CNTNAP5: variants seen among roughly 807,000 people sequenced by gnomAD.
The protein encoded by CNTNAP5 is contactin-associated protein-like 5.
Under a neutral mutation model 150.2 loss-of-function variants are expected in CNTNAP5, and 72 were observed. The ratio of observed to expected loss-of-function variants is 0.48; its 90% CI spans 0.40 to 0.58. The LOEUF (loss-of-function observed/expected upper bound fraction) is 0.58. Ranked by LOEUF, CNTNAP5 falls within the 20% of genes least tolerant of loss-of-function variation. CNTNAP5 has a pLI of 0.00. For synonymous variants in CNTNAP5, 672 were observed against 619.8 expected (o/e 1.08, Z -1.25); for missense variants, 1,636 against 1,626.2 (o/e 1.01, Z -0.10).
chr2:124,437,520 A>G lies in CNTNAP5; in HGVS notation c.733+2833A>G, dbSNP rs1037035703. ...CTATTAATTTTAGATTATAAAATAT[A>G]TATCAGTTTTAGAAAACCGGAAAAT... On this transcript the variant is annotated intron_variant, in intron 5 of 23. Transcript: ENST00000682447. 3.3e-5 allele frequency among the ~76,000 whole-genome samples: 5 copies of G among 152,224 alleles called. 1 individual carries two copies. Among genetic ancestry groups the G allele is most frequent in the Middle Eastern group, 6.3e-3 (2 of 316 alleles).
At chr2:124,262,800 TC>T in intron 3 of CNTNAP5, among the ~76,000 whole-genome samples, 2 of 95,888 alleles carry the variant, frequency 2.1e-5, no homozygotes, top group African/African-American at 4.0e-5. Context: ...CCCTCTCCCC[TC>T]CCCCCACCCC....
At chr2:124,125,752 A>C (rs1462963204) in intron 1 of CNTNAP5, among the ~76,000 whole-genome samples, 3 of 152,172 alleles carry the variant, frequency 2.0e-5, no homozygotes, top group African/African-American at 7.2e-5. Flanking sequence ...ACTCAGGATT[A>C]AGAAACTCAC....
chr2:124,846,284 A>T (rs544873079), intron 19 of CNTNAP5, among the ~76,000 whole-genome samples: 20 of 152,020 alleles, frequency 1.3e-4, no homozygotes, highest in Middle Eastern at 3.4e-3. Context: ...TTTAAAAAAA[A>T]TTTTTTTGTC....
At chr2:124,573,239 C>A (rs953723698) in intron 11 of CNTNAP5, among the ~76,000 whole-genome samples, 1 of 152,172 alleles carries the variant, frequency 6.6e-6, no homozygotes, top group African/African-American at 2.4e-5. Flanking sequence ...GGAAGGAATG[C>A]AGGGTGTATA....
At chr2:124,850,136 A>T (rs1683125370) in intron 19 of CNTNAP5, among the ~76,000 whole-genome samples, 1 of 152,246 alleles carries the variant, frequency 6.6e-6, no homozygotes, top group Non-Finnish European at 1.5e-5. Flanking sequence ...TTCCTAGAAC[A>T]AAATGGGCAA....
rs774515049 is a variant in CNTNAP5 at position 124,527,448 on chromosome 2, C to G, written c.1641C>G (p.Ile547Met). The change falls in exon 10 of 24, where the codon ATC becomes ATG. Residue 547 changes from isoleucine (I) to methionine (M), a missense_variant. Physicochemically the swap from Ile to Met is conservative, Grantham distance 10. Coordinates refer to ENST00000682447, the MANE Select transcript of CNTNAP5 (RefSeq NM_001367498.1). Reference sequence around the variant, plus strand: ...ATTTACACATTGATCTGTGTAGCATCAAAGACAGGTAATTATTGTCTCTTC... The same window carrying G: ...ATTTACACATTGATCTGTGTAGCATGAAAGACAGGTAATTATTGTCTCTTC... ...FSDLHIDLCS[I>M]KDRCLPNYCE... 1.9e-6 allele frequency: 3 copies of G among 1,611,018 alleles called. No individual in the cohort carries two copies. Among genetic ancestry groups the G allele is most frequent in the Non-Finnish European group, 2.5e-6 (3 of 1,178,174 alleles).
chr2:124,698,118 G>A (rs1018273575), intron 13 of CNTNAP5, among the ~76,000 whole-genome samples: 6 of 152,036 alleles, frequency 3.9e-5, no homozygotes, highest in African/African-American at 1.2e-4. Context: ...TTATAAAAAG[G>A]GGTATGATCT....
chr2:124,359,395 T>C (rs1431021981), intron 3 of CNTNAP5, among the ~76,000 whole-genome samples: 1 of 152,004 alleles, frequency 6.6e-6, no homozygotes, highest in African/African-American at 2.4e-5. Flanking sequence ...AATTGTGATG[T>C]TAGGGTGTCA....
At chr2:124,577,712 C>T (rs763710285) in intron 11 of CNTNAP5, among the ~76,000 whole-genome samples, 1 of 151,980 alleles carries the variant, frequency 6.6e-6, no homozygotes, top group Non-Finnish European at 1.5e-5. Flanking sequence ...AGGCACCAAA[C>T]AAGGAGAAGG....
At chr2:124,353,389 G>GT (rs147695088) in intron 3 of CNTNAP5, among the ~76,000 whole-genome samples, 6,668 of 144,470 alleles carry the variant, frequency 0.046, 215 homozygotes, top group Non-Finnish European at 0.071. Flanking sequence ...TTTTTTCTTT[G>GT]TTTTTTTTTC....
intron 3 of CNTNAP5, among the ~76,000 whole-genome samples, chr2:124,348,625 C>A (rs1039304597): frequency 1.3e-5 from 2 of 152,086 alleles, no homozygotes; most frequent in Non-Finnish European, 2.9e-5. Context: ...CCTAAATAGA[C>A]TACCAAAATA....
intron 3 of CNTNAP5, among the ~76,000 whole-genome samples, chr2:124,327,450 A>G (rs1460318089): frequency 1.3e-5 from 2 of 152,138 alleles, no homozygotes; most frequent in African/African-American, 2.4e-5. Context: ...TCAGGCCATG[A>G]TGGAAGTGGG....
intron 19 of CNTNAP5, among the ~76,000 whole-genome samples, chr2:124,820,151 A>T (rs565553285): frequency 6.6e-6 from 1 of 152,130 alleles, no homozygotes; most frequent in Non-Finnish European, 1.5e-5. Context: ...TCAAGCTGTT[A>T]TCTATTGTAA....
chr2:124,605,809 C>CAAAAAAAAAAAA (rs36090348), intron 11 of CNTNAP5, among the ~76,000 whole-genome samples: 3 of 34,424 alleles, frequency 8.7e-5, no homozygotes, highest in African/African-American at 2.7e-4. Context: ...AAGACTCTGT[C>CAAAAAAAAAAAA]AAAAAAAAAA....
chr2:124,125,574 C>G (rs1431957625), intron 1 of CNTNAP5, among the ~76,000 whole-genome samples: 1 of 152,176 alleles, frequency 6.6e-6, no homozygotes, highest in African/African-American at 2.4e-5. Context: ...TAATAGACAT[C>G]TACAGAACTC....
intron 22 of CNTNAP5, among the ~76,000 whole-genome samples, chr2:124,905,127 T>TC (rs1553454292): frequency 2.0e-5 from 1 of 50,384 alleles, no homozygotes; most frequent in Non-Finnish European, 4.8e-5. Flanking sequence ...TTTTTTTTTG[T>TC]TTTTTTTTTT....
intron 3 of CNTNAP5, among the ~76,000 whole-genome samples, chr2:124,277,980 C>T: frequency 6.6e-6 from 1 of 152,130 alleles, no homozygotes; most frequent in East Asian, 1.9e-4. Context: ...AGGAAACAGC[C>T]ACGTCATTGT....
chr2:124,634,258 A>C (rs924103056), intron 12 of CNTNAP5, among the ~76,000 whole-genome samples: 20 of 152,116 alleles, frequency 1.3e-4, no homozygotes, highest in African/African-American at 4.6e-4. Context: ...TTCTTTGCTC[A>C]TGAATATGAG....
intron 21 of CNTNAP5, among the ~76,000 whole-genome samples, chr2:124,875,797 A>C (rs1000349766): frequency 2.7e-5 from 4 of 150,738 alleles, no homozygotes; most frequent in Non-Finnish European, 5.9e-5. Context: ...GCTCCAAAAG[A>C]GCAATTCTGA....
Sources: gnomAD v4.1 joint callset for allele counts (sites outside exome capture counted in the v4.1 genomes callset) on GRCh38, gnomAD v4.1.1 for gene constraint, MANE v1.5 for transcripts, NCBI Gene and HGNC (gene_info 2026-07-23, HGNC 2026-07-21) for gene names.